CTNNA3: variants seen among roughly 807,000 people sequenced by gnomAD.
CTNNA3 encodes the protein catenin alpha-3.
A neutral mutation model predicts 95.7 loss-of-function variants in CTNNA3; 76 were observed. That is an observed-to-expected ratio of 0.79 (90% CI 0.66 to 0.96). CTNNA3 has a LOEUF of 0.96. Among genes scored for constraint, CTNNA3 ranks in the 40% least tolerant of loss-of-function variants. The probability of loss-of-function intolerance (pLI) is 0.00; values close to 1 mark genes in which losing one functional copy is unlikely to be tolerated. For synonymous variants in CTNNA3, 431 were observed against 374.4 expected (o/e 1.15, Z -1.74); for missense variants, 1,191 against 1,089.8 (o/e 1.09, Z -1.31).
intron 1 of CTNNA3, chr10:67,750,350 T>C: frequency 6.6e-7 from 1 of 1,513,460 alleles, no homozygotes; most frequent in Non-Finnish European, 9.2e-7. Flanking sequence ...CACTTGGAAG[T>C]CTCCTCTCGG....
intron 7 of CTNNA3, among the ~76,000 whole-genome samples, chr10:66,783,237 CA>C (rs564677926): frequency 1.3e-3 from 198 of 152,190 alleles, no homozygotes; most frequent in African/African-American, 4.6e-3. Flanking sequence ...AAAAGAAAAT[CA>C]AATCATTTTT....
intron 12 of CTNNA3, among the ~76,000 whole-genome samples, chr10:66,328,194 A>G (rs145910981): frequency 6.6e-6 from 1 of 152,246 alleles, no homozygotes; most frequent in African/African-American, 2.4e-5. Flanking sequence ...TTGTGCTGAC[A>G]GCTTTTAGCA....
chr10:67,148,222 A>C (rs1379704011), intron 7 of CTNNA3, among the ~76,000 whole-genome samples: 2 of 152,246 alleles, frequency 1.3e-5, no homozygotes, highest in African/African-American at 4.8e-5. Flanking sequence ...CCCAGAACAA[A>C]TAAACTGCCA....
At chr10:66,036,830 T>C (rs893930669) in intron 15 of CTNNA3, among the ~76,000 whole-genome samples, 2 of 151,368 alleles carry the variant, frequency 1.3e-5, no homozygotes, top group Non-Finnish European at 2.9e-5. Context: ...AGACTTATCA[T>C]AGAAATGCAT....
At chr10:66,684,517 T>G (rs1055414957) in intron 9 of CTNNA3, among the ~76,000 whole-genome samples, 6 of 152,308 alleles carry the variant, frequency 3.9e-5, no homozygotes, top group Non-Finnish European at 7.4e-5. Flanking sequence ...ATAAGATTCA[T>G]TTCTATAATA....
intron 5 of CTNNA3, among the ~76,000 whole-genome samples, chr10:67,282,045 G>C (rs1387874586): frequency 6.6e-6 from 1 of 151,984 alleles, no homozygotes. Flanking sequence ...TCATTTTAAT[G>C]ATAATACCAG....
intron 10 of CTNNA3, among the ~76,000 whole-genome samples, chr10:66,613,013 G>A (rs1002133052): frequency 6.6e-6 from 1 of 151,938 alleles, no homozygotes; most frequent in African/African-American, 2.4e-5. Context: ...TCCGTGACTA[G>A]AAGAACATTG....
chr10:65,967,565 A>C (rs1371520968), intron 16 of CTNNA3, among the ~76,000 whole-genome samples: 1 of 152,174 alleles, frequency 6.6e-6, no homozygotes, highest in African/African-American at 2.4e-5. Flanking sequence ...AGACAAAGGA[A>C]ATTATTTCTA....
intron 7 of CTNNA3, among the ~76,000 whole-genome samples, chr10:67,029,545 T>C (rs1469261279): frequency 6.6e-6 from 1 of 152,196 alleles, no homozygotes; most frequent in African/African-American, 2.4e-5. Context: ...GCTATAGCAC[T>C]TAAGATTTTG....
chr10:66,649,750 G>T (rs921691811), intron 9 of CTNNA3, among the ~76,000 whole-genome samples: 8 of 152,190 alleles, frequency 5.3e-5, no homozygotes, highest in African/African-American at 1.9e-4. Flanking sequence ...CTAGGCTCGG[G>T]AACAGCCCCA....
intron 7 of CTNNA3, among the ~76,000 whole-genome samples, chr10:66,793,610 T>A (rs10740258): frequency 0.85 from 129,820 of 152,180 alleles, 55,922 homozygotes; most frequent in East Asian, 1. Flanking sequence ...CTGAAATTGA[T>A]TATTATTATT....
intron 11 of CTNNA3, among the ~76,000 whole-genome samples, chr10:66,433,479 C>T (rs2093313743): frequency 6.6e-6 from 1 of 152,126 alleles, no homozygotes; most frequent in Admixed American, 6.6e-5. Context: ...CCTTTGCCCA[C>T]TTTTTGATGG....
chr10:67,186,598 G>A (rs564031022), intron 6 of CTNNA3, among the ~76,000 whole-genome samples: 1 of 152,116 alleles, frequency 6.6e-6, no homozygotes, highest in Non-Finnish European at 1.5e-5. Flanking sequence ...TAAATCAAAT[G>A]TCCTGTGAAA....
At chr10:66,002,011 G>A (rs1436790701) in intron 15 of CTNNA3, among the ~76,000 whole-genome samples, 3 of 151,996 alleles carry the variant, frequency 2.0e-5, no homozygotes, top group Non-Finnish European at 4.4e-5. Context: ...TTTACTCTTA[G>A]TGACAGATAT....
chr10:66,803,877 G>T (rs1281192306), intron 7 of CTNNA3, among the ~76,000 whole-genome samples: 1 of 151,366 alleles, frequency 6.6e-6, no homozygotes, highest in Non-Finnish European at 1.5e-5. Context: ...AATAATGATT[G>T]CATTTAACTT....
intron 5 of CTNNA3, among the ~76,000 whole-genome samples, chr10:67,248,560 C>G (rs1372830514): frequency 6.6e-6 from 1 of 151,998 alleles, no homozygotes; most frequent in Non-Finnish European, 1.5e-5. Context: ...GGACTACAGG[C>G]ATACACCACC....
chr10:67,548,705 A>G lies in CTNNA3; in HGVS notation c.293-9036T>C, dbSNP rs370888335. ...CTTTATAATCTTGAGTTAGGCAACA[A>G]TGTCTTATATATAACACCAAAAGTA... On this transcript the variant is annotated intron_variant, in intron 3 of 17. Coordinates refer to ENST00000433211, the MANE Select transcript of CTNNA3 (RefSeq NM_013266.4). 3.3e-5 allele frequency among the ~76,000 whole-genome samples: 5 copies of G among 152,246 alleles called. No homozygotes were observed. In the East Asian group the frequency reaches 5.8e-4, roughly 18 times the overall value.
intron 8 of CTNNA3, among the ~76,000 whole-genome samples, chr10:66,766,685 T>C (rs7087289): frequency 6.6e-6 from 1 of 152,222 alleles, no homozygotes; most frequent in Non-Finnish European, 1.5e-5. Flanking sequence ...AGATTAAAAA[T>C]GGTAATACTT....
chr10:66,510,882 T>A (rs909910004), intron 11 of CTNNA3, among the ~76,000 whole-genome samples: 1 of 151,810 alleles, frequency 6.6e-6, no homozygotes, highest in Non-Finnish European at 1.5e-5. Context: ...CTGGTTTTAT[T>A]ATCAGGGTAA....
Sources: allele counts gnomAD v4.1 joint callset (sites outside exome capture counted in the v4.1 genomes callset), GRCh38; gene constraint gnomAD v4.1.1; transcripts MANE v1.5; gene names NCBI Gene and HGNC (gene_info 2026-07-23, HGNC 2026-07-21).